Variants in PALLD observed in about 807,000 individuals in gnomAD.
PALLD encodes the protein palladin, cytoskeletal associated protein, also known as palladin.
In PALLD, 61 loss-of-function variants were observed where a neutral mutation model predicts 123.5. The ratio of observed to expected loss-of-function variants is 0.49; its 90% CI spans 0.40 to 0.61. The LOEUF is 0.61. Ranked by LOEUF, PALLD falls within the 20% of genes least tolerant of loss-of-function variation. PALLD has a pLI of 0.00. For missense variants in PALLD, 1,273 were observed against 1,377.0 expected (o/e 0.92, Z 1.20); for synonymous variants, 465 against 496.4 (o/e 0.94, Z 0.84).
intron 3 of PALLD, among the ~76,000 whole-genome samples, chr4:168,679,642 A>T (rs1781348476): frequency 6.6e-6 from 1 of 150,790 alleles, no homozygotes. Flanking sequence ...CAGCTCTCTG[A>T]CTTAAGGTTA....
chr4:168,740,865 G>A (rs1262031153), intron 10 of PALLD, among the ~76,000 whole-genome samples: 3 of 152,194 alleles, frequency 2.0e-5, no homozygotes, highest in African/African-American at 2.4e-5. Context: ...AACTGCAAAC[G>A]AGTCTAAGAA....
At chr4:168,721,136 T>C (rs143765880) in intron 10 of PALLD, among the ~76,000 whole-genome samples, 2 of 152,360 alleles carry the variant, frequency 1.3e-5, no homozygotes, top group African/African-American at 4.8e-5. Context: ...AAATACCATA[T>C]GTCCATTTCA....
chr4:168,599,596 G>A (rs1399177715), intron 2 of PALLD, among the ~76,000 whole-genome samples: 2 of 152,270 alleles, frequency 1.3e-5, no homozygotes, highest in South Asian at 2.1e-4. Flanking sequence ...AATATGCTAT[G>A]TAGTTATTAA....
intron 2 of PALLD, among the ~76,000 whole-genome samples, chr4:168,612,190 CCTCTT>C (rs1245081108): frequency 6.6e-6 from 1 of 151,330 alleles, no homozygotes; most frequent in East Asian, 1.9e-4. Flanking sequence ...CCACCACAGA[CCTCTT>C]CTAAGTTTCC....
At chr4:168,881,590 A>G (rs1003000015) in intron 10 of PALLD, among the ~76,000 whole-genome samples, 4 of 151,546 alleles carry the variant, frequency 2.6e-5, no homozygotes, top group Admixed American at 6.6e-5. Flanking sequence ...CCTTTATGCT[A>G]CATCTTCCCC....
At chr4:168,540,727 GTA>G (rs1765527785) in intron 2 of PALLD, among the ~76,000 whole-genome samples, 1 of 151,564 alleles carries the variant, frequency 6.6e-6, no homozygotes, top group Non-Finnish European at 1.5e-5. Context: ...AATATTGCAG[GTA>G]TTACACATTC....
chr4:168,514,195 T>C (rs1762788255), intron 2 of PALLD, among the ~76,000 whole-genome samples: 1 of 152,174 alleles, frequency 6.6e-6, no homozygotes, highest in African/African-American at 2.4e-5. Flanking sequence ...AAAGATTGAA[T>C]TGAAACACTG....
chr4:168,762,809 A>G (rs1224329096), intron 10 of PALLD, among the ~76,000 whole-genome samples: 1 of 152,264 alleles, frequency 6.6e-6, no homozygotes, highest in East Asian at 1.9e-4. Flanking sequence ...CATAAAGAAA[A>G]TGTGGCACAT....
rs1243231162 is a variant in PALLD, at chr4:168,928,216, A to C, written c.*2036A>C. ...CTCATGGACCTATCTCTATTGTAGAATTATGACTTATGTCTTACTTGCCAA... is the reference window on the plus strand; with the variant it reads ...CTCATGGACCTATCTCTATTGTAGACTTATGACTTATGTCTTACTTGCCAA... On this transcript the variant is annotated 3_prime_UTR_variant, in exon 22 of 22. Transcript: ENST00000505667. 5.4e-6 allele frequency: 1 copy of C among 185,282 alleles called. No homozygotes were observed. Among genetic ancestry groups the C allele is most frequent in the Non-Finnish European group, 1.1e-5 (1 of 87,078 alleles). The allele number at this position is 185,282 out of a possible 1,614,324, so 11.5% of individuals were successfully genotyped here.
intron 2 of PALLD, chr4:168,631,611 C>G (rs1580671791): frequency 8.1e-6 from 8 of 985,446 alleles, no homozygotes; most frequent in Non-Finnish European, 8.4e-6. Context: ...CGGCGAGACG[C>G]GGCGCATTCG....
At chr4:168,878,498 G>A in intron 10 of PALLD, 1 of 819,450 alleles carries the variant, frequency 1.2e-6, no homozygotes, top group Non-Finnish European at 1.8e-6. Context: ...GCAACCCAGA[G>A]CGCCCCAGTA....
At chr4:168,718,821 A>G (rs891702858) in intron 10 of PALLD, among the ~76,000 whole-genome samples, 3 of 152,164 alleles carry the variant, frequency 2.0e-5, no homozygotes, top group Admixed American at 2.0e-4. Context: ...GTTTCATGTG[A>G]GTAATTAAAA....
At chr4:168,660,439 A>G (rs1263875150) in intron 2 of PALLD, among the ~76,000 whole-genome samples, 1 of 152,178 alleles carries the variant, frequency 6.6e-6, no homozygotes, top group Non-Finnish European at 1.5e-5. Flanking sequence ...CATATTGAAC[A>G]TTTTCATGTA....
intron 10 of PALLD, among the ~76,000 whole-genome samples, chr4:168,789,098 A>G (rs1374706725): frequency 3.3e-5 from 5 of 152,208 alleles, no homozygotes; most frequent in Non-Finnish European, 7.3e-5. Context: ...GGAACTTTAT[A>G]TAAGAGGAAT....
At chr4:168,847,814 C>T (rs1747101661) in intron 10 of PALLD, among the ~76,000 whole-genome samples, 1 of 151,806 alleles carries the variant, frequency 6.6e-6, no homozygotes, top group South Asian at 2.1e-4. Flanking sequence ...ACAAACAATC[C>T]AGTTATACTC....
chr4:168,700,906 CT>C (rs1424012560), intron 8 of PALLD: 1 of 152,026 alleles, frequency 6.6e-6, no homozygotes, highest in African/African-American at 2.4e-5. Flanking sequence ...ATTGCACCAG[CT>C]TTATTTGATT....
chr4:168,635,853 G>T (rs1222977495), intron 2 of PALLD, among the ~76,000 whole-genome samples: 1 of 152,184 alleles, frequency 6.6e-6, no homozygotes, highest in African/African-American at 2.4e-5. Context: ...GACCAAATTA[G>T]TGTGGCACCT....
intron 2 of PALLD, among the ~76,000 whole-genome samples, chr4:168,568,650 G>T (rs1338196392): frequency 6.6e-6 from 1 of 151,964 alleles, no homozygotes; most frequent in Admixed American, 6.6e-5. Flanking sequence ...TGGGGTTTGT[G>T]TATGTATAAG....
chr4:168,673,683 A>G (rs1302406664), intron 3 of PALLD, among the ~76,000 whole-genome samples: 1 of 152,116 alleles, frequency 6.6e-6, no homozygotes, highest in Non-Finnish European at 1.5e-5. Flanking sequence ...TGAGGGAGTG[A>G]GTCAGATTCG....
Sources: gnomAD v4.1 joint callset for allele counts (sites outside exome capture counted in the v4.1 genomes callset) on GRCh38, gnomAD v4.1.1 for gene constraint, MANE v1.5 for transcripts, NCBI Gene and HGNC (gene_info 2026-07-23, HGNC 2026-07-21) for gene names.